The following ZFHX3 variants were observed in gnomAD, a reference collection of about 807,000 sequenced individuals.
ZFHX3 encodes zinc finger homeobox protein 3.
A neutral mutation model predicts 279.1 loss-of-function variants in ZFHX3; 42 were observed. The ratio of observed to expected loss-of-function variants is 0.15; its 90% CI spans 0.12 to 0.19. The LOEUF (loss-of-function observed/expected upper bound fraction) is 0.19, where lower values mean the gene tolerates loss of function less well. ZFHX3 is among the 10% of genes least tolerant of loss of function. The pLI is 1.00. For synonymous variants in ZFHX3, 2,293 were observed against 1,957.8 expected (o/e 1.17, Z -4.52); for missense variants, 4,981 against 4,754.0 (o/e 1.05, Z -1.40).
chr16:73,191,689 C>A (rs944924735), intron 5 of ZFHX3, among the ~76,000 whole-genome samples: 1 of 152,112 alleles, frequency 6.6e-6, no homozygotes, highest in Non-Finnish European at 1.5e-5. Context: ...CCCTCTCACC[C>A]ACGGCTCTTT....
chr16:73,082,005 T>G (rs1043139107), intron 8 of ZFHX3, among the ~76,000 whole-genome samples: 1 of 151,730 alleles, frequency 6.6e-6, no homozygotes, highest in Non-Finnish European at 1.5e-5. Context: ...CCCAGCTAAT[T>G]TTTATATTTT....
intron 2 of ZFHX3, among the ~76,000 whole-genome samples, chr16:73,546,951 CT>C (rs932176636): frequency 2.0e-4 from 30 of 152,174 alleles, no homozygotes; most frequent in African/African-American, 7.0e-4. Flanking sequence ...ACCCCTACCC[CT>C]GTCCCCATTG....
At chr16:73,323,276 G>C (rs1339996117) in intron 3 of ZFHX3, among the ~76,000 whole-genome samples, 1 of 152,176 alleles carries the variant, frequency 6.6e-6, no homozygotes, top group Non-Finnish European at 1.5e-5. Context: ...GAAAGAGGCA[G>C]CATGACTGTT....
chr16:73,790,264 TC>T (rs1376528211), intron 1 of ZFHX3, among the ~76,000 whole-genome samples: 3 of 151,064 alleles, frequency 2.0e-5, no homozygotes, highest in Non-Finnish European at 2.9e-5. Flanking sequence ...AAAGGGAGTG[TC>T]TTTTTTTTTT....
intron 8 of ZFHX3, among the ~76,000 whole-genome samples, chr16:73,088,180 C>G (rs1400305210): frequency 6.6e-6 from 1 of 151,432 alleles, no homozygotes; most frequent in African/African-American, 2.4e-5. Flanking sequence ...GGGTCTCCCT[C>G]TGCCACCCAG....
At chr16:72,844,105 T>A (rs1201410930) in intron 4 of ZFHX3, among the ~76,000 whole-genome samples, 1 of 152,156 alleles carries the variant, frequency 6.6e-6, no homozygotes, top group East Asian at 1.9e-4. Context: ...CCCAAATGGC[T>A]TGGGGCAGAG....
intron 4 of ZFHX3, among the ~76,000 whole-genome samples, chr16:72,852,606 C>A (rs2037645823): frequency 6.6e-6 from 1 of 152,166 alleles, no homozygotes; most frequent in South Asian, 2.1e-4. Context: ...TGTATATTTT[C>A]TTTTAAGTAA....
intron 5 of ZFHX3, among the ~76,000 whole-genome samples, chr16:73,253,483 G>T (rs1419001743): frequency 6.9e-6 from 1 of 144,288 alleles, no homozygotes; most frequent in African/African-American, 2.6e-5. Context: ...ATGGAGTCTC[G>T]CTCTGTCACC....
intron 5 of ZFHX3, among the ~76,000 whole-genome samples, chr16:73,221,478 T>TA (rs761443081): frequency 2.6e-5 from 4 of 152,128 alleles, no homozygotes; most frequent in Non-Finnish European, 5.9e-5. Flanking sequence ...TGTAACCTCT[T>TA]AAAAAATCAC....
chr16:73,841,479 C>A (rs1054553588), intron 1 of ZFHX3, among the ~76,000 whole-genome samples: 6 of 152,142 alleles, frequency 3.9e-5, no homozygotes, highest in Non-Finnish European at 7.4e-5. Flanking sequence ...GCTGGGAGAT[C>A]GGCATGACCA....
chr16:73,868,270 C>T (rs183594270), intron 1 of ZFHX3, among the ~76,000 whole-genome samples: 5 of 152,348 alleles, frequency 3.3e-5, no homozygotes, highest in African/African-American at 1.2e-4. Flanking sequence ...CGCCTGTAAT[C>T]CCAGCAGTTT....
intron 1 of ZFHX3, among the ~76,000 whole-genome samples, chr16:73,722,411 C>T (rs532707896): frequency 4.9e-4 from 75 of 152,290 alleles, no homozygotes; most frequent in Middle Eastern, 3.4e-3. Flanking sequence ...TAAAATTAAC[C>T]TTGACTTTAT....
chr16:72,797,721 G>A lies in ZFHX3; in HGVS notation c.4961C>T (p.Pro1654Leu), dbSNP rs2035963495. The change falls in exon 9 of 10, where the codon CCT becomes CTT. Residue 1654 changes from proline (P) to leucine (L), a missense_variant. By Grantham distance (98) the Pro-to-Leu change is moderately conservative. Coordinates refer to ENST00000268489, the MANE Select transcript of ZFHX3 (RefSeq NM_006885.4). ...SISLSSSTPS[P>L]VSTSGSNTFT... ...GGTGTTACTGCCACTGGTGCTCACAGGACTTGGCGTGGAGGAGCTCAAGGA... is the reference window on the plus strand; with the variant it reads ...GGTGTTACTGCCACTGGTGCTCACAAGACTTGGCGTGGAGGAGCTCAAGGA... The A allele has an allele frequency of 1.9e-6, 3 of 1,613,996 alleles. No homozygotes were observed. The highest frequency in any genetic ancestry group is 2.2e-5 in the South Asian group (2 of 91,086).
At chr16:73,732,484 C>T (rs2053577167) in intron 1 of ZFHX3, among the ~76,000 whole-genome samples, 1 of 152,186 alleles carries the variant, frequency 6.6e-6, no homozygotes, top group Non-Finnish European at 1.5e-5. Context: ...TCCTGCTATT[C>T]TGGTGTTTCA....
intron 4 of ZFHX3, among the ~76,000 whole-genome samples, chr16:72,838,804 G>A (rs185895571): frequency 5.9e-5 from 9 of 152,340 alleles, no homozygotes; most frequent in Non-Finnish European, 1.2e-4. Context: ...GTTGCCCCCT[G>A]CAGAAATCCA....
intron 1 of ZFHX3, among the ~76,000 whole-genome samples, chr16:73,829,404 T>C (rs200003711): frequency 0.33 from 997 of 3,046 alleles, 198 homozygotes; most frequent in East Asian, 0.53. Context: ...TTCTCTCAGC[T>C]CGTCAAAATC....
rs553269694 is a variant in ZFHX3, at chr16:73,549,110, T to C, written c.-1546-92852A>G. ...TTTTCTTTTGATACGCTTTTAAAAATATTCAGATACACAGTTTTGAAAATA... is the reference window on the plus strand; with the variant it reads ...TTTTCTTTTGATACGCTTTTAAAAACATTCAGATACACAGTTTTGAAAATA... On this transcript the variant is annotated intron_variant, in intron 2 of 17. Transcript: ENST00000641206. Among the ~76,000 whole-genome samples the C allele has an allele frequency of 9.2e-5, 14 of 152,312 alleles. 1 individual carries two copies. The South Asian group carries it at 2.5e-3, about 27-fold the overall frequency.
intron 2 of ZFHX3, among the ~76,000 whole-genome samples, chr16:73,516,410 T>A (rs561473225): frequency 3.5e-4 from 54 of 152,300 alleles, no homozygotes; most frequent in African/African-American, 1.2e-3. Flanking sequence ...CAAAAATATA[T>A]TCAAGTACCC....
intron 2 of ZFHX3, among the ~76,000 whole-genome samples, chr16:73,618,124 C>T (rs377576960): frequency 9.0e-4 from 137 of 152,248 alleles, no homozygotes; most frequent in African/African-American, 2.6e-3. Flanking sequence ...CAGTGTGGTC[C>T]GGCGTCTATA....
Sources: gnomAD v4.1 joint callset for allele counts (sites outside exome capture counted in the v4.1 genomes callset) on GRCh38, gnomAD v4.1.1 for gene constraint, MANE v1.5 for transcripts, NCBI Gene and HGNC (gene_info 2026-07-23, HGNC 2026-07-21) for gene names.